The following EYS variants were observed in gnomAD, a reference collection of about 807,000 sequenced individuals.
The protein encoded by EYS is EGF-like photoreceptor maintenance factor.
A neutral mutation model predicts 282.1 loss-of-function variants in EYS; 250 were observed. That is an observed-to-expected ratio of 0.89 (90% confidence interval 0.80 to 0.98). EYS has a LOEUF of 0.98. EYS is among the 50% of genes least tolerant of loss of function. The pLI is 0.00. For missense variants in EYS, 4,016 were observed against 3,709.0 expected, an observed-to-expected ratio of 1.08 and a Z score of -2.15; for synonymous variants, 1,355 against 1,282.9, an observed-to-expected ratio of 1.06 and a Z score of -1.20.
chr6:64,841,454 A>G lies in EYS; in HGVS notation c.2993-18632T>C, dbSNP rs114359062. Among the ~76,000 whole-genome samples the G allele has an allele frequency of 3.5e-3, 537 of 152,272 alleles. 5 individuals carry two copies. Among genetic ancestry groups the G allele is most frequent in the African/African-American group, 0.012 (518 of 41,572 alleles). On this transcript the variant is annotated intron_variant, in intron 19 of 42. Transcript: ENST00000503581. ...GATCTGTGTTATTTATATTTCTACC[A>G]TCTTCTTGTGAATATCTCAGGTGCC...
chr6:65,498,136 TAAGACGGCAAGG>T (rs914323092), intron 2 of EYS, among the ~76,000 whole-genome samples: 3 of 152,028 alleles, frequency 2.0e-5, no homozygotes, highest in Non-Finnish European at 4.4e-5. Context: ...GTTGGAGCAG[TAAGACGGCAAGG>T]AAGAGGGGAG....
At chr6:64,484,938 A>C (rs988747740) in intron 26 of EYS, among the ~76,000 whole-genome samples, 2 of 151,664 alleles carry the variant, frequency 1.3e-5, no homozygotes, top group Admixed American at 1.3e-4. Context: ...GTTAAATGCT[A>C]TTCTAATAAG....
At chr6:64,105,741 C>A (rs1468868209) in intron 31 of EYS, among the ~76,000 whole-genome samples, 1 of 152,058 alleles carries the variant, frequency 6.6e-6, no homozygotes, top group Non-Finnish European at 1.5e-5. Flanking sequence ...AAGTTTCCTC[C>A]ATGTTCTTTC....
chr6:63,917,834 G>A (rs1013344931), intron 35 of EYS, among the ~76,000 whole-genome samples: 6 of 152,136 alleles, frequency 3.9e-5, no homozygotes, highest in Non-Finnish European at 8.8e-5. Context: ...CCTTATCAGC[G>A]GGAAACAAGG....
chr6:65,407,744 C>CGTGTGTGTGT (rs71002305), intron 5 of EYS, among the ~76,000 whole-genome samples: 6 of 144,124 alleles, frequency 4.2e-5, no homozygotes, highest in African/African-American at 1.0e-4. Flanking sequence ...CTAATAAGTC[C>CGTGTGTGTGT]GTGTGTGTGT....
rs552728149 is a variant in EYS at position 64,989,611 on chromosome 6, ATAAATATAAAT to A, written c.2259+7960_2259+7970del. On this transcript the variant is annotated intron_variant, in intron 14 of 42. Coordinates refer to ENST00000503581, the MANE Select transcript of EYS (RefSeq NM_001142800.2). ...AATTATATTATTTAATTTAAATTAA[ATAAATATAAAT>A]TAAATATAAATTAAATACATAATTA... Among the ~76,000 whole-genome samples the A allele has an allele frequency of 8.3e-3, 1,189 of 143,720 alleles. 13 individuals carry two copies. The highest frequency in any genetic ancestry group is 0.028 in the African/African-American group (1,130 of 39,808). The allele number at this position is 143,720 out of a possible 152,430, so 94.3% of individuals were successfully genotyped here.
chr6:65,504,328 T>TAAAA (rs1404223774), intron 2 of EYS, among the ~76,000 whole-genome samples: 7 of 151,712 alleles, frequency 4.6e-5, no homozygotes, highest in African/African-American at 1.4e-4. Context: ...CTGACTTATT[T>TAAAA]AAGGCATTTT....
intron 31 of EYS, among the ~76,000 whole-genome samples, chr6:64,115,473 T>TA (rs1162795300): frequency 1.3e-5 from 2 of 151,982 alleles, no homozygotes; most frequent in East Asian, 1.9e-4. Flanking sequence ...GAAAAAGAGA[T>TA]AAGGAGGACT....
rs368728453 is a variant in EYS at position 63,995,126 on chromosome 6, G to C, written c.6834+3949C>G. On this transcript the variant is annotated intron_variant, in intron 34 of 42. Transcript: ENST00000503581. The stretch of plus-strand genomic sequence containing the variant: ...GAAAATATTTTCAAACCATATGTTT[G>C]ATAAGGAGTTAATATCCAAAACATA... Among the ~76,000 whole-genome samples the C allele has an allele frequency of 1.3e-4, 20 of 152,070 alleles. No individual in the cohort carries two copies. The South Asian group carries it at 4.1e-3, about 31-fold the overall frequency.
chr6:64,504,535 A>T (rs1334112588), intron 26 of EYS, among the ~76,000 whole-genome samples: 1 of 152,192 alleles, frequency 6.6e-6, no homozygotes, highest in Non-Finnish European at 1.5e-5. Context: ...CTGGACATTC[A>T]CTACTGCTGT....
intron 29 of EYS, among the ~76,000 whole-genome samples, chr6:64,346,737 A>T (rs1305890846): frequency 4.0e-5 from 6 of 151,274 alleles, no homozygotes; most frequent in Non-Finnish European, 5.9e-5. Context: ...ACAAAAAAAC[A>T]TTTTCAGTCA....
intron 9 of EYS, among the ~76,000 whole-genome samples, chr6:65,349,554 G>T (rs1343613650): frequency 6.6e-6 from 1 of 151,484 alleles, no homozygotes; most frequent in East Asian, 1.9e-4. Flanking sequence ...ATAAGGTTAT[G>T]ATTATGTATG....
At chr6:65,369,182 A>G (rs1011227775) in intron 8 of EYS, among the ~76,000 whole-genome samples, 1 of 149,520 alleles carries the variant, frequency 6.7e-6, no homozygotes, top group Non-Finnish European at 1.5e-5. Flanking sequence ...AGCATTTCAG[A>G]AGGAAGAACT....
intron 12 of EYS, among the ~76,000 whole-genome samples, chr6:65,096,029 G>T (rs1361508578): frequency 2.0e-5 from 3 of 150,988 alleles, no homozygotes; most frequent in African/African-American, 7.2e-5. Flanking sequence ...AGATGACAGG[G>T]TCTCATATGT....
chr6:65,515,860 G>A (rs1310693473), intron 2 of EYS, among the ~76,000 whole-genome samples: 1 of 151,038 alleles, frequency 6.6e-6, no homozygotes, highest in African/African-American at 2.4e-5. Context: ...GTTAACGGGT[G>A]CAGCACACCA....
At chr6:63,934,538 G>T (rs1023765835) in intron 35 of EYS, among the ~76,000 whole-genome samples, 30 of 152,120 alleles carry the variant, frequency 2.0e-4, no homozygotes, top group African/African-American at 6.8e-4. Context: ...AGAAAATGTG[G>T]CACATACACA....
intron 30 of EYS, among the ~76,000 whole-genome samples, chr6:64,288,029 G>A (rs1188842732): frequency 6.6e-6 from 1 of 152,090 alleles, no homozygotes; most frequent in Non-Finnish European, 1.5e-5. Flanking sequence ...GAACATTACT[G>A]TCACTGATAT....
chr6:64,219,920 C>G (rs1190239659), intron 31 of EYS, among the ~76,000 whole-genome samples: 1 of 151,482 alleles, frequency 6.6e-6, no homozygotes, highest in Non-Finnish European at 1.5e-5. Flanking sequence ...TCTCAGCAAA[C>G]TACTGCAAGC....
chr6:65,353,338 T>C, intron 9 of EYS, 120 bp downstream of exon 9: 1 of 836,122 alleles, frequency 1.2e-6, no homozygotes, highest in Admixed American at 2.4e-5. Flanking sequence ...ATTAATTTTA[T>C]TTTTAGTTTA....
Sources: allele counts gnomAD v4.1 joint callset (sites outside exome capture counted in the v4.1 genomes callset), GRCh38; gene constraint gnomAD v4.1.1; transcripts MANE v1.5; gene names NCBI Gene and HGNC (gene_info 2026-07-23, HGNC 2026-07-21).